Variants in TVP23A observed in about 807,000 individuals in gnomAD.
TVP23A encodes Golgi apparatus membrane protein TVP23 homolog A.
TVP23A carries 21 observed loss-of-function variants against 31.7 expected under a neutral mutation model. That is an observed-to-expected ratio of 0.66 (90% CI 0.47 to 0.95). The LOEUF (loss-of-function observed/expected upper bound fraction) is 0.95, where lower values mean the gene tolerates loss of function less well. Among genes scored for constraint, TVP23A ranks in the 40% least tolerant of loss-of-function variants. TVP23A has a pLI of 0.00. For missense variants in TVP23A, 279 were observed against 255.6 expected, an observed-to-expected ratio of 1.09 and a Z score of -0.62; for synonymous variants, 104 against 96.0, an observed-to-expected ratio of 1.08 and a Z score of -0.49.
rs1555478480 is a variant in TVP23A, at chr16:10,773,401, C to T, written c.365G>A (p.Arg122Gln). 4 of 1,610,382 alleles carry T rather than the reference C, an allele frequency of 2.5e-6. No individual in the cohort carries two copies. Among genetic ancestry groups the T allele is most frequent in the East Asian group, 2.2e-5 (1 of 44,834 alleles). The stretch of plus-strand genomic sequence containing the variant: ...GATTATGAGGCCCAGCCAGAAGATT[C>T]GTGCTTCAGCTTCTGTGGCAGCAAT... ...NSIAATEAEA[R>Q]IFWLGLIICP... Residue 122 changes from arginine to glutamine, a missense_variant, in exon 5 of 8, where the codon CGA (arginine) becomes CAA (glutamine). By Grantham distance (43) the Arg-to-Gln change is conservative. Coordinates refer to ENST00000299866, the MANE Select transcript of TVP23A (RefSeq NM_001079512.4).
intron 2 of TVP23A, among the ~76,000 whole-genome samples, chr16:10,815,275 G>C (rs993629031): frequency 2.0e-5 from 3 of 152,144 alleles, no homozygotes; most frequent in Admixed American, 6.6e-5. Flanking sequence ...AGCCAAGCGT[G>C]GTGGCGTGCA....
intron 6 of TVP23A, 145 bp from the exon 7 acceptor site, chr16:10,770,476 C>A: frequency 3.8e-6 from 3 of 782,930 alleles, no homozygotes; most frequent in Middle Eastern, 2.4e-4. Flanking sequence ...CAGTGCTGTT[C>A]AAATTTAGGA....
intron 2 of TVP23A, among the ~76,000 whole-genome samples, chr16:10,782,774 A>G (rs1419876491): frequency 6.6e-6 from 1 of 152,158 alleles, no homozygotes; most frequent in African/African-American, 2.4e-5. Flanking sequence ...AAAGTGCTAC[A>G]ATTACAGGTG....
At position 10,813,368 on chromosome 16, in the gene TVP23A, T is replaced by A. The variant is rs186260088; in HGVS notation, c.89+4735A>T. On this transcript the variant is annotated intron_variant, in intron 2 of 7. Coordinates refer to ENST00000299866, the MANE Select transcript of TVP23A (RefSeq NM_001079512.4). The stretch of plus-strand genomic sequence containing the variant: ...CTTCCACAGCATCACCTCCTTTCGA[T>A]GTCAGCCTGGAATCCATTTCAACAA... Among the ~76,000 whole-genome samples, 410 of 152,346 alleles carry A rather than the reference T, an allele frequency of 2.7e-3. 3 individuals carry two copies. Among genetic ancestry groups the A allele is most frequent in the African/African-American group, 9.3e-3 (387 of 41,586 alleles).
chr16:10,818,424 C>G lies in TVP23A; in HGVS notation c.9+61G>C. Reference sequence around the variant, plus strand: ...CTCCTCCTCCTCCCGGCTTCTCCAGCGCTCCCGCAGGCTCCCCTCGTCCCG... The same window carrying G: ...CTCCTCCTCCTCCCGGCTTCTCCAGGGCTCCCGCAGGCTCCCCTCGTCCCG... On this transcript the variant is annotated intron_variant, in intron 1 of 7. Coordinates refer to ENST00000299866, the MANE Select transcript of TVP23A (RefSeq NM_001079512.4). The surrounding 1 kb of genome is among the most constrained non-coding windows in gnomAD (Gnocchi z 4.7). 1 of 1,582,676 alleles carries G rather than the reference C, an allele frequency of 6.3e-7. No individual in the cohort carries two copies.
At chr16:10,793,901 C>CAAA (rs61392688) in intron 2 of TVP23A, among the ~76,000 whole-genome samples, 429 of 39,194 alleles carry the variant, frequency 0.011, 12 homozygotes, top group South Asian at 0.013. Flanking sequence ...CCTGTCTCAC[C>CAAA]AAAAAAAAAA....
At chr16:10,762,662 G>T (rs554515139), downstream of TVP23A, among the ~76,000 whole-genome samples, 4 of 152,322 alleles carry the variant, frequency 2.6e-5, no homozygotes, top group Non-Finnish European at 5.9e-5. Flanking sequence ...AGGGGAGGCC[G>T]GGATCCAGGA....
chr16:10,775,735 AT>A (rs1241522661), intron 2 of TVP23A, among the ~76,000 whole-genome samples: 9 of 147,198 alleles, frequency 6.1e-5, no homozygotes, highest in Non-Finnish European at 1.3e-4. Flanking sequence ...TCCTGTGTAA[AT>A]TGCTTTTCTT....
At chr16:10,757,415 AGT>A (rs1900631750), downstream of TVP23A, among the ~76,000 whole-genome samples, 1 of 152,164 alleles carries the variant, frequency 6.6e-6, no homozygotes, top group South Asian at 2.1e-4. The surrounding 1 kb of genome is among the most constrained non-coding windows in gnomAD (Gnocchi z 4.1). Flanking sequence ...ATAATGTGAA[AGT>A]GTTATCAGGG....
chr16:10,760,746 G>A (rs79366261), downstream of TVP23A, among the ~76,000 whole-genome samples: 10 of 151,902 alleles, frequency 6.6e-5, no homozygotes, highest in Non-Finnish European at 4.4e-5. Context: ...AAAAAAAAAA[G>A]TCATTTTCTT....
rs772036794 is a variant in TVP23A, at chr16:10,767,533, A to G, written c.*1569T>C. ...TTATATGCGCATAATCTTTCTGGAA[A>G]GACACCTAGAACACTAGTAGCCCTT... On this transcript the variant is annotated 3_prime_UTR_variant, in exon 8 of 8. Transcript: ENST00000299866. This position sits in a 1 kb window ranked among gnomAD's most constrained non-coding sequence, Gnocchi z 4.6. The G allele has an allele frequency of 9.1e-5, 40 of 438,100 alleles. No individual in the cohort carries two copies. Among genetic ancestry groups the G allele is most frequent in the Non-Finnish European group, 1.4e-4 (35 of 250,376 alleles). 27.1% of individuals were successfully genotyped at this position (438,100 alleles called of 1,614,324 possible). A position where few individuals can be genotyped will look rare whatever the true frequency, so the allele number is the denominator to read the frequency against.
downstream of TVP23A, among the ~76,000 whole-genome samples, chr16:10,759,826 T>C (rs1410018310): frequency 6.6e-6 from 1 of 152,174 alleles, no homozygotes; most frequent in Non-Finnish European, 1.5e-5. The surrounding 1 kb of genome is among the most constrained non-coding windows in gnomAD (Gnocchi z 4.7). Flanking sequence ...ATTGACTTTC[T>C]AGCTGAGCGC....
At position 10,767,628 on chromosome 16, in the gene TVP23A, C is replaced by G. The variant is rs2031096155; in HGVS notation, c.*1474G>C. The G allele has an allele frequency of 2.3e-6, 1 of 435,822 alleles. No homozygotes were observed. The highest frequency in any genetic ancestry group is 3.6e-5 in the East Asian group (1 of 28,090). 27.0% of individuals were successfully genotyped at this position (435,822 alleles called of 1,614,324 possible). ...TTTTTTAACCATGTGCATTCATGAT[C>G]CTTTCACTCAAAAGCTAATCTCTTA... On this transcript the variant is annotated 3_prime_UTR_variant, in exon 8 of 8. Coordinates refer to ENST00000299866, the MANE Select transcript of TVP23A (RefSeq NM_001079512.4). The surrounding 1 kb of genome is among the most constrained non-coding windows in gnomAD (Gnocchi z 4.6).
chr16:10,760,969 C>A (rs1596463126), downstream of TVP23A: 2 of 193,210 alleles, frequency 1.0e-5, no homozygotes, highest in East Asian at 2.8e-4. Flanking sequence ...TGGGAAGGCC[C>A]CAGGAAACTT....
At chr16:10,805,568 C>T (rs776896179) in intron 2 of TVP23A, among the ~76,000 whole-genome samples, 7 of 147,790 alleles carry the variant, frequency 4.7e-5, no homozygotes, top group Admixed American at 1.4e-4. Flanking sequence ...GCTCCTGTCA[C>T]GAGTGAAGGG....
chr16:10,792,109 T>C (rs1157292234), intron 2 of TVP23A, among the ~76,000 whole-genome samples: 1 of 152,246 alleles, frequency 6.6e-6, no homozygotes, highest in African/African-American at 2.4e-5. Context: ...AAATCTGCTG[T>C]GGTCCACCTC....
downstream of TVP23A, among the ~76,000 whole-genome samples, chr16:10,757,662 C>G (rs1216779120): frequency 6.6e-6 from 1 of 152,158 alleles, no homozygotes; most frequent in Non-Finnish European, 1.5e-5. The surrounding 1 kb of genome is among the most constrained non-coding windows in gnomAD (Gnocchi z 4.1). Flanking sequence ...ACAAAAAGAT[C>G]AGATCATGCT....
At chr16:10,764,318 T>C (rs543693096), downstream of TVP23A, among the ~76,000 whole-genome samples, 95 of 152,380 alleles carry the variant, frequency 6.2e-4, 1 homozygote, top group South Asian at 6.0e-3. Flanking sequence ...TTGGAGCATC[T>C]CAGTCTGCTG....
chr16:10,782,907 G>C (rs1175659372), intron 2 of TVP23A, among the ~76,000 whole-genome samples: 1 of 152,096 alleles, frequency 6.6e-6, no homozygotes, highest in Non-Finnish European at 1.5e-5. Flanking sequence ...AGACCAGCAA[G>C]AACAACTTGG....
Sources: allele counts gnomAD v4.1 joint callset (sites outside exome capture counted in the v4.1 genomes callset), GRCh38; gene constraint gnomAD v4.1.1; non-coding constraint Gnocchi (gnomAD v3.1); transcripts MANE v1.5; gene names NCBI Gene and HGNC (gene_info 2026-07-23, HGNC 2026-07-21).